Variants in PTBP1 observed in about 807,000 individuals in gnomAD.
PTBP1 encodes the protein polypyrimidine tract binding protein 1, also known as polypyrimidine tract-binding protein 1.
Under a neutral mutation model 59.8 loss-of-function variants are expected in PTBP1, and 8 were observed. That is an observed-to-expected ratio of 0.13 (90% confidence interval 0.08 to 0.24). The LOEUF is 0.24. PTBP1 is among the 10% of genes least tolerant of loss of function. The pLI is 1.00. For synonymous variants in PTBP1, 490 were observed against 320.7 expected, an observed-to-expected ratio of 1.53 and a Z score of -5.64; for missense variants, 686 against 767.0, an observed-to-expected ratio of 0.89 and a Z score of 1.25.
chr19:811,095 G>T lies in PTBP1; in HGVS notation c.*269G>T. 1 of 369,742 alleles carries T rather than the reference G, an allele frequency of 2.7e-6. No individual in the cohort carries two copies. 22.9% of individuals were successfully genotyped at this position (369,742 alleles called of 1,614,324 possible). On this transcript the variant is annotated 3_prime_UTR_variant, in exon 15 of 15. Transcript: ENST00000356948. ...CAGACCCTCGGGGCCATGCCTTGGT[G>T]GGGCCTGTGTCGGGCGTGGGGCCTG...
intron 1 of PTBP1, chr19:798,622 C>T (rs2034187749): frequency 6.6e-6 from 1 of 152,214 alleles, no homozygotes; most frequent in Admixed American, 6.5e-5. Flanking sequence ...CGCGCACTCG[C>T]CTCCCGGAGT....
Position 808,131 on chromosome 19 carries a change from C to T in PTBP1, c.1153+229C>T, listed in dbSNP as rs1008333518. ...TTAGACCTGTCGGTGGCATATGCCA[C>T]CGTGGCCACCCGCTGGCAGCTTACC... On this transcript the variant is annotated intron_variant, in intron 11 of 14. Coordinates refer to ENST00000356948, the MANE Select transcript of PTBP1 (RefSeq NM_002819.5). This position sits in a 1 kb window ranked among gnomAD's most constrained non-coding sequence, Gnocchi z 4.7. 1.6e-6 allele frequency: 1 copy of T among 629,060 alleles called. No homozygotes were observed. The highest frequency in any genetic ancestry group is 1.8e-5 in the African/African-American group (1 of 54,352). The allele number at this position is 629,060 out of a possible 1,614,324, so 39.0% of individuals were successfully genotyped here. A position where few individuals can be genotyped will look rare whatever the true frequency, so the allele number is the denominator to read the frequency against.
chr19:809,771 C>T (rs2034767652), intron 13 of PTBP1, among the ~76,000 whole-genome samples: 1 of 152,132 alleles, frequency 6.6e-6, no homozygotes, highest in Admixed American at 6.6e-5. Context: ...GTGTGCACGT[C>T]AGGTCCCAGC....
At chr19:799,749 G>C (rs1214254087) in intron 2 of PTBP1, among the ~76,000 whole-genome samples, 3 of 152,340 alleles carry the variant, frequency 2.0e-5, no homozygotes, top group African/African-American at 7.2e-5. Flanking sequence ...TCTGCCTCTA[G>C]AGGCTGGAAT....
chr19:809,534 A>ATGG (rs1364992010), intron 13 of PTBP1, among the ~76,000 whole-genome samples: 1 of 149,708 alleles, frequency 6.7e-6, no homozygotes, highest in African/African-American at 2.5e-5. Flanking sequence ...GTTAGCCAGG[A>ATGG]TGGTGTCGAT....
chr19:806,130 C>T (rs529249225), intron 9 of PTBP1: 19 of 372,340 alleles, frequency 5.1e-5, no homozygotes, highest in Middle Eastern at 7.0e-4. Flanking sequence ...TCTGTGCTGG[C>T]GGAGCCGGAG....
chr19:812,224 C>T lies in PTBP1; in HGVS notation c.*1398C>T, dbSNP rs999049778. The T allele has an allele frequency of 6.6e-6, 1 of 152,536 alleles. No individual in the cohort carries two copies. The highest frequency in any genetic ancestry group is 2.4e-5 in the African/African-American group (1 of 41,440). 9.4% of individuals were successfully genotyped at this position (152,536 alleles called of 1,614,324 possible). A position where few individuals can be genotyped will look rare whatever the true frequency, so the allele number is the denominator to read the frequency against. Reference sequence around the variant, plus strand: ...GATTAAAACCGTTTGAGAAACTCCTCCCTTGTCTAGCCCTGTGTTCGCTGT... The same window carrying T: ...GATTAAAACCGTTTGAGAAACTCCTTCCTTGTCTAGCCCTGTGTTCGCTGT... On this transcript the variant is annotated 3_prime_UTR_variant, in exon 15 of 15. Coordinates refer to ENST00000356948, the MANE Select transcript of PTBP1 (RefSeq NM_002819.5).
In PTBP1 at chr19:811,044, A is replaced by G; in HGVS notation, c.*218A>G. Reference sequence around the variant, plus strand: ...GGCTCTTGGTGACTGTGGCAGCGGGAGTTCCCGGCCCTCCACACCCGGGGC... The same window carrying G: ...GGCTCTTGGTGACTGTGGCAGCGGGGGTTCCCGGCCCTCCACACCCGGGGC... On this transcript the variant is annotated 3_prime_UTR_variant, in exon 15 of 15. Transcript: ENST00000356948. The G allele has an allele frequency of 2.0e-6, 1 of 490,214 alleles. No homozygotes were observed. The highest frequency in any genetic ancestry group is 3.4e-6 in the Non-Finnish European group (1 of 291,076). 30.4% of individuals were successfully genotyped at this position (490,214 alleles called of 1,614,324 possible). A position where few individuals can be genotyped will look rare whatever the true frequency, so the allele number is the denominator to read the frequency against.
At chr19:810,320 G>A (rs2034797286) in intron 13 of PTBP1, among the ~76,000 whole-genome samples, 1 of 152,186 alleles carries the variant, frequency 6.6e-6, no homozygotes, top group African/African-American at 2.4e-5. Context: ...AAAAAAAGTG[G>A]AGGAGCGTGG....
At position 808,881 on chromosome 19, in the gene PTBP1, A is replaced by AC; in HGVS notation, c.1463+123dup. On this transcript the variant is annotated intron_variant, in intron 13 of 14. Coordinates refer to ENST00000356948, the MANE Select transcript of PTBP1 (RefSeq NM_002819.5). The surrounding 1 kb of genome is among the most constrained non-coding windows in gnomAD (Gnocchi z 4.7). ...CCAGAGTGCAGGTCGGGCACCTCTT[A>AC]CCCCAAACCTGAAGTACTGCAAGGC... 1.1e-6 allele frequency: 1 copy of AC among 933,950 alleles called. No homozygotes were observed. Among genetic ancestry groups the AC allele is most frequent in the South Asian group, 1.6e-5 (1 of 63,890 alleles). 57.9% of individuals were successfully genotyped at this position (933,950 alleles called of 1,614,324 possible). A position where few individuals can be genotyped will look rare whatever the true frequency, so the allele number is the denominator to read the frequency against.
chr19:808,858 A>G lies in PTBP1; in HGVS notation c.1463+96A>G, dbSNP rs1366918550. 6 of 1,224,750 alleles carry G rather than the reference A, an allele frequency of 4.9e-6. No homozygotes were observed. Among genetic ancestry groups the G allele is most frequent in the Non-Finnish European group, 7.0e-6 (6 of 858,178 alleles). The allele number at this position is 1,224,750 out of a possible 1,614,324, so 75.9% of individuals were successfully genotyped here. A position where few individuals can be genotyped will look rare whatever the true frequency, so the allele number is the denominator to read the frequency against. ...CGGTGTGTGGACTTCTGGCGTTTCCAGAGTGCAGGTCGGGCACCTCTTACC... is the reference window on the plus strand; with the variant it reads ...CGGTGTGTGGACTTCTGGCGTTTCCGGAGTGCAGGTCGGGCACCTCTTACC... On this transcript the variant is annotated intron_variant, in intron 13 of 14. Transcript: ENST00000356948. The surrounding 1 kb of genome is among the most constrained non-coding windows in gnomAD (Gnocchi z 4.7).
rs1451516925 is a variant in PTBP1, at chr19:811,638, G to C, written c.*812G>C. 2.6e-5 allele frequency: 4 copies of C among 152,350 alleles called. No individual in the cohort carries two copies. Among genetic ancestry groups the C allele is most frequent in the African/African-American group, 9.7e-5 (4 of 41,450 alleles). The allele number at this position is 152,350 out of a possible 1,614,324, so 9.4% of individuals were successfully genotyped here. A position where few individuals can be genotyped will look rare whatever the true frequency, so the allele number is the denominator to read the frequency against. On this transcript the variant is annotated 3_prime_UTR_variant, in exon 15 of 15. Transcript: ENST00000356948. ...CTTTTATTTTATTCCTTGTAATTAA[G>C]TCACAGGCAGGACCCAGTTTCCAGA...
At chr19:805,617 C>A in intron 9 of PTBP1, 48 bp downstream of exon 9, 12 of 1,495,312 alleles carry the variant, frequency 8.0e-6, no homozygotes, top group Non-Finnish European at 1.1e-5. Context: ...ATGCCCACAC[C>A]ACCTTCCCAG....
chr19:798,311 G>A (rs2034171965), intron 1 of PTBP1: 1 of 152,142 alleles, frequency 6.6e-6, no homozygotes, highest in Admixed American at 6.5e-5. Context: ...TGGGAGAGGT[G>A]GGAGCCCCCT....
chr19:797,467 C>T lies in PTBP1; in HGVS notation c.-31C>T, dbSNP rs375347218. 1 of 1,597,574 alleles carries T rather than the reference C, an allele frequency of 6.3e-7. No homozygotes were observed. Among genetic ancestry groups the T allele is most frequent in the Non-Finnish European group, 8.5e-7 (1 of 1,174,988 alleles). ...GGTTCCTGCTATTCCGGCGCCTCCA[C>T]TCCGTCCCCCGCGGGTCTGCTCTGT... On this transcript the variant is annotated 5_prime_UTR_variant, in exon 1 of 15. Transcript: ENST00000356948.
intron 13 of PTBP1, among the ~76,000 whole-genome samples, chr19:809,465 TGC>T (rs1276078053): frequency 6.6e-6 from 1 of 151,930 alleles, no homozygotes; most frequent in Non-Finnish European, 1.5e-5. Flanking sequence ...GGACTATAGG[TGC>T]CCGCCAGCAC....
In PTBP1 at chr19:804,106, C is replaced by T. The variant is rs2034453497; in HGVS notation, c.186C>T (p.His62=). 6.2e-7 allele frequency: 1 copy of T among 1,613,912 alleles called. No homozygotes were observed. Among genetic ancestry groups the T allele is most frequent in the Non-Finnish European group, 8.5e-7 (1 of 1,179,962 alleles). ...CAGGCGTCCCCTCTAGAGTGATCCACATCCGGAAGCTCCCCATCGACGTCA... is the reference window on the plus strand; with the variant it reads ...CAGGCGTCCCCTCTAGAGTGATCCATATCCGGAAGCTCCCCATCGACGTCA... The part of the protein sequence containing the change: ...RSAGVPSRVI[H]IRKLPIDVTE... The change falls in exon 4 of 15, where the codon CAC becomes CAT. Residue 62 remains histidine, a synonymous_variant. Coordinates refer to ENST00000356948, the MANE Select transcript of PTBP1 (RefSeq NM_002819.5).
Position 799,458 on chromosome 19 carries a change from C to G in PTBP1, c.39+15C>G. 1.2e-6 allele frequency: 2 copies of G among 1,613,394 alleles called. No individual in the cohort carries two copies. Among genetic ancestry groups the G allele is most frequent in the East Asian group, 2.2e-5 (1 of 44,886 alleles). ...TTGGTACAAAGGTAGGCACTTCTCA[C>G]TTTGCTTCTCCGTGACGCTCCTCTG... On this transcript the variant is annotated intron_variant, in intron 2 of 14. Coordinates refer to ENST00000356948, the MANE Select transcript of PTBP1 (RefSeq NM_002819.5).
chr19:802,498 C>A (rs1442365105), intron 2 of PTBP1, among the ~76,000 whole-genome samples: 1 of 152,012 alleles, frequency 6.6e-6, no homozygotes, highest in African/African-American at 2.4e-5. Context: ...CTTTCTGATG[C>A]GATGGCCCTG....
Sources: allele counts gnomAD v4.1 joint callset (sites outside exome capture counted in the v4.1 genomes callset), GRCh38; gene constraint gnomAD v4.1.1; non-coding constraint Gnocchi (gnomAD v3.1); transcripts MANE v1.5; gene names NCBI Gene and HGNC (gene_info 2026-07-23, HGNC 2026-07-21).